Variants in ARB2A observed in about 807,000 individuals in gnomAD.
ARB2A encodes ARB2 cotranscriptional regulator A.
chr5:94,029,462 T>G, the ARB2A span, among the ~76,000 whole-genome samples: 1 of 152,236 alleles, frequency 6.6e-6, no homozygotes, highest in Admixed American at 6.5e-5. Flanking sequence ...CTTGTGATGT[T>G]ATTTAACTTT....
the ARB2A span, among the ~76,000 whole-genome samples, chr5:93,716,723 T>C: frequency 8.0e-6 from 1 of 125,016 alleles, no homozygotes; most frequent in East Asian, 2.4e-4. Flanking sequence ...AAAAAATCAA[T>C]ATGCCAAGTT....
the ARB2A span, among the ~76,000 whole-genome samples, chr5:94,063,424 G>C: frequency 8.5e-5 from 13 of 152,110 alleles, no homozygotes; most frequent in Non-Finnish European, 1.6e-4. Flanking sequence ...TCAGAACTCA[G>C]AGGTTAGTCC....
the ARB2A span, among the ~76,000 whole-genome samples, chr5:94,016,408 C>A: frequency 6.6e-6 from 1 of 152,158 alleles, no homozygotes. Flanking sequence ...AATTTAGGAA[C>A]CACAATTTAC....
chr5:93,971,563 G>A, the ARB2A span, among the ~76,000 whole-genome samples: 2,143 of 60,430 alleles, frequency 0.035, 47 homozygotes, highest in African/African-American at 0.11. Context: ...ACAAGACTCC[G>A]TCTCAAAAAT....
the ARB2A span, among the ~76,000 whole-genome samples, chr5:93,640,632 G>GTATA: frequency 1.7e-4 from 25 of 150,084 alleles, no homozygotes; most frequent in African/African-American, 6.2e-4. Flanking sequence ...ACATATGTGT[G>GTATA]TGTATATATA....
the ARB2A span, among the ~76,000 whole-genome samples, chr5:93,676,619 G>A: frequency 2.0e-5 from 3 of 152,222 alleles, no homozygotes; most frequent in South Asian, 2.1e-4. Flanking sequence ...ATAGCGGGGC[G>A]ATTCCTCATT....
At chr5:93,781,881 A>G in the ARB2A span, 30 of 985,258 alleles carry the variant, frequency 3.0e-5, no homozygotes, top group East Asian at 9.1e-4. Context: ...TCCAACACCC[A>G]TGCTTAAGAC....
chr5:93,739,288 T>G, the ARB2A span: 2 of 151,708 alleles, frequency 1.3e-5, no homozygotes, highest in Non-Finnish European at 2.9e-5. Context: ...CTAAAAATTA[T>G]CTAAAAAAGA....
chr5:93,957,026 T>C, the ARB2A span, among the ~76,000 whole-genome samples: 1 of 152,146 alleles, frequency 6.6e-6, no homozygotes, highest in African/African-American at 2.4e-5. Context: ...TTGCCATTTT[T>C]TTAAGAAGAA....
the ARB2A span, among the ~76,000 whole-genome samples, chr5:94,076,654 T>C: frequency 2.0e-5 from 3 of 152,226 alleles, no homozygotes; most frequent in African/African-American, 4.8e-5. Flanking sequence ...CACATGATAG[T>C]GCACAAATTT....
chr5:93,703,821 A>T, the ARB2A span, among the ~76,000 whole-genome samples: 1 of 152,154 alleles, frequency 6.6e-6, no homozygotes, highest in Admixed American at 6.5e-5. Flanking sequence ...TCAGTACCCT[A>T]ATATTCTCAC....
At chr5:93,677,241 T>C in the ARB2A span, among the ~76,000 whole-genome samples, 1 of 152,218 alleles carries the variant, frequency 6.6e-6, no homozygotes, top group Non-Finnish European at 1.5e-5. Flanking sequence ...GGAAATCACA[T>C]GATGCACAAA....
the ARB2A span, among the ~76,000 whole-genome samples, chr5:94,103,795 C>CAAAAAAAAAAAAAAAAAAAAAAATA: frequency 8.8e-6 from 1 of 113,344 alleles, no homozygotes. Context: ...TCAACAGATT[C>CAAAAAAAAAAAAAAAAAAAAAAATA]AAAAAAAAAA....
chr5:93,965,788 C>T, the ARB2A span, among the ~76,000 whole-genome samples: 2 of 151,906 alleles, frequency 1.3e-5, no homozygotes, highest in African/African-American at 2.4e-5. Flanking sequence ...ATGTCAATTG[C>T]TTTGGTGCTG....
the ARB2A span, chr5:93,620,870 C>T: frequency 7.0e-7 from 1 of 1,420,502 alleles, no homozygotes; most frequent in Non-Finnish European, 9.5e-7. Flanking sequence ...ATATCACGAC[C>T]CTGGGCTCTG....
At chr5:93,916,534 G>A in the ARB2A span, among the ~76,000 whole-genome samples, 26 of 152,234 alleles carry the variant, frequency 1.7e-4, no homozygotes, top group East Asian at 5.0e-3. Context: ...TATTTCAAGT[G>A]TGGTGTGAGG....
the ARB2A span, among the ~76,000 whole-genome samples, chr5:94,035,280 A>G: frequency 8.4e-6 from 1 of 119,658 alleles, no homozygotes; most frequent in Admixed American, 8.4e-5. Context: ...CATTGCTACT[A>G]GGGAGTCAGT....
At chr5:93,781,572 A>G in the ARB2A span, among the ~76,000 whole-genome samples, 1 of 152,138 alleles carries the variant, frequency 6.6e-6, no homozygotes, top group African/African-American at 2.4e-5. Flanking sequence ...CTGCTGGATC[A>G]AATAGTACTT....
chr5:93,933,238 G>A, the ARB2A span, among the ~76,000 whole-genome samples: 2 of 152,208 alleles, frequency 1.3e-5, no homozygotes, highest in Non-Finnish European at 2.9e-5. Context: ...GTGGAAGACA[G>A]TGTGGCGATT....
Sources: allele counts gnomAD v4.1 joint callset (sites outside exome capture counted in the v4.1 genomes callset), GRCh38; gene constraint gnomAD v4.1.1; transcripts MANE v1.5; gene names NCBI Gene and HGNC (gene_info 2026-07-23, HGNC 2026-07-21).